The following AGBL4 variants were observed in gnomAD, a reference collection of about 807,000 sequenced individuals.
AGBL4 encodes the protein cytosolic carboxypeptidase 6.
A neutral mutation model predicts 66.4 loss-of-function variants in AGBL4; 58 were observed. The observed-to-expected ratio is 0.87, with a 90% CI of 0.71 to 1.09. AGBL4 has a LOEUF of 1.09. Among genes scored for constraint, AGBL4 ranks in the 50% least tolerant of loss-of-function variants. The pLI, the probability that AGBL4 is intolerant of heterozygous loss-of-function variation, is 0.00. For synonymous variants in AGBL4, 234 were observed against 222.9 expected (o/e 1.05, Z -0.44); for missense variants, 579 against 631.0 (o/e 0.92, Z 0.88).
chr1:49,210,995 T>C (rs530756763), intron 4 of AGBL4, among the ~76,000 whole-genome samples: 16 of 152,226 alleles, frequency 1.1e-4, no homozygotes, highest in South Asian at 8.3e-4. Context: ...CTCTCCTCTT[T>C]AGAAAATGAA....
intron 2 of AGBL4, among the ~76,000 whole-genome samples, chr1:49,733,658 G>A (rs1429938880): frequency 2.0e-5 from 3 of 152,050 alleles, no homozygotes; most frequent in African/African-American, 7.2e-5. Flanking sequence ...TGGGAGGTGG[G>A]GCCTTCAGAG....
rs746954245 is a variant in AGBL4 at position 48,590,809 on chromosome 1, G to A, written c.1104+24C>T. The A allele has an allele frequency of 2.7e-5, 42 of 1,580,952 alleles. No homozygotes were observed. In the South Asian group the frequency reaches 4.7e-4, roughly 18 times the overall value. ...GGCAGGGTGTGGGGGGCTGGGGCTG[G>A]CTGAGAGAGAACTCCTGGCTTACAT... On this transcript the variant is annotated intron_variant, in intron 10 of 13. Transcript: ENST00000371839.
rs180711062 is a variant in AGBL4, at chr1:48,727,225, C to A, written c.635-63984G>T. The stretch of plus-strand genomic sequence containing the variant: ...ACCCTATACTCATCTAACATTATCA[C>A]CCCGTCTTCACCCCTTTACAAAGAT... On this transcript the variant is annotated intron_variant, in intron 6 of 13. Transcript: ENST00000371839. 2.0e-3 allele frequency among the ~76,000 whole-genome samples: 307 copies of A among 152,354 alleles called. 2 individuals are homozygous for A. Among genetic ancestry groups the A allele is most frequent in the Middle Eastern group, 6.8e-3 (2 of 294 alleles).
At chr1:48,536,499 T>G (rs998684327) in intron 12 of AGBL4, among the ~76,000 whole-genome samples, 1 of 152,194 alleles carries the variant, frequency 6.6e-6, no homozygotes, top group South Asian at 2.1e-4. Context: ...CAGTATTGTT[T>G]GTTATGTTTG....
chr1:48,960,941 C>T (rs1657914365), intron 5 of AGBL4, among the ~76,000 whole-genome samples: 1 of 152,138 alleles, frequency 6.6e-6, no homozygotes, highest in Non-Finnish European at 1.5e-5. Flanking sequence ...AATTAGGACC[C>T]TTAATTGTTC....
At chr1:49,502,902 T>C (rs573696295) in intron 3 of AGBL4, among the ~76,000 whole-genome samples, 1 of 152,142 alleles carries the variant, frequency 6.6e-6, no homozygotes, top group South Asian at 2.1e-4. Flanking sequence ...CTATTGAAAA[T>C]AAAAACCATT....
chr1:49,777,745 G>A (rs531831863), intron 2 of AGBL4, among the ~76,000 whole-genome samples: 1 of 152,284 alleles, frequency 6.6e-6, no homozygotes, highest in Admixed American at 6.5e-5. Context: ...CCTTTGTAGG[G>A]AAGAGGAAGG....
chr1:49,460,442 A>G (rs1305186135), intron 3 of AGBL4, among the ~76,000 whole-genome samples: 3 of 151,666 alleles, frequency 2.0e-5, no homozygotes, highest in African/African-American at 7.3e-5. Context: ...TACATGGAAT[A>G]TCTTTTTCCA....
intron 4 of AGBL4, among the ~76,000 whole-genome samples, chr1:49,174,287 T>C (rs1646792124): frequency 6.6e-6 from 1 of 152,130 alleles, no homozygotes; most frequent in East Asian, 1.9e-4. Flanking sequence ...GTGAGTTGAG[T>C]TGATATTCAG....
intron 4 of AGBL4, among the ~76,000 whole-genome samples, chr1:49,225,681 G>C (rs531469609): frequency 6.6e-6 from 1 of 152,160 alleles, no homozygotes; most frequent in Non-Finnish European, 1.5e-5. Context: ...TTTTCAGTAG[G>C]CAAACTCTGG....
At chr1:49,154,801 A>G (rs1646400637) in intron 4 of AGBL4, among the ~76,000 whole-genome samples, 1 of 152,188 alleles carries the variant, frequency 6.6e-6, no homozygotes. Context: ...ATGAGGATTG[A>G]AATTAGTTAT....
At chr1:49,409,083 C>A (rs1316332162) in intron 3 of AGBL4, among the ~76,000 whole-genome samples, 1 of 151,604 alleles carries the variant, frequency 6.6e-6, no homozygotes, top group East Asian at 1.9e-4. Context: ...CATTCTAAAT[C>A]CCTTCCTTTC....
intron 5 of AGBL4, among the ~76,000 whole-genome samples, chr1:49,005,269 C>A (rs532985433): frequency 6.6e-6 from 1 of 152,182 alleles, no homozygotes; most frequent in Non-Finnish European, 1.5e-5. Context: ...CCCTACTTAT[C>A]CATTTTCATT....
intron 3 of AGBL4, among the ~76,000 whole-genome samples, chr1:49,303,727 C>T (rs1037998594): frequency 3.9e-5 from 6 of 152,020 alleles, no homozygotes; most frequent in African/African-American, 1.2e-4. Flanking sequence ...CCACCCGCCT[C>T]GGCCTCCCAA....
intron 9 of AGBL4, among the ~76,000 whole-genome samples, chr1:48,617,747 C>A (rs557133441): frequency 3.0e-4 from 46 of 152,296 alleles, no homozygotes; most frequent in African/African-American, 1.1e-3. Flanking sequence ...GCCCTTGGGC[C>A]GGCCATGACC....
intron 5 of AGBL4, among the ~76,000 whole-genome samples, chr1:49,010,163 T>C (rs1662274608): frequency 1.3e-5 from 2 of 151,990 alleles, no homozygotes; most frequent in Non-Finnish European, 2.9e-5. Context: ...CTTAAGCTGA[T>C]AAGCAACTTC....
At chr1:48,789,352 A>G (rs1645485768) in intron 6 of AGBL4, among the ~76,000 whole-genome samples, 2 of 151,166 alleles carry the variant, frequency 1.3e-5, no homozygotes, top group South Asian at 4.2e-4. Flanking sequence ...GCAGTGGCCC[A>G]ATCTCGGCTC....
At chr1:49,419,510 AT>A (rs1167356544) in intron 3 of AGBL4, among the ~76,000 whole-genome samples, 4 of 152,140 alleles carry the variant, frequency 2.6e-5, no homozygotes. Context: ...ATGAAAAAAA[AT>A]ATTTTCTGGA....
chr1:48,735,670 C>A (rs1648927574), intron 6 of AGBL4, among the ~76,000 whole-genome samples: 1 of 152,028 alleles, frequency 6.6e-6, no homozygotes, highest in African/African-American at 2.4e-5. Context: ...CAGAAAGGAA[C>A]CAGAAAGGAA....
Sources: allele counts gnomAD v4.1 joint callset (sites outside exome capture counted in the v4.1 genomes callset), GRCh38; gene constraint gnomAD v4.1.1; transcripts MANE v1.5; gene names NCBI Gene and HGNC (gene_info 2026-07-23, HGNC 2026-07-21).